The following CYP2C19 variants were observed in gnomAD, a reference collection of about 807,000 sequenced individuals.
CYP2C19 encodes the protein cytochrome P450 2C19.
CYP2C19 carries 59 observed loss-of-function variants against 40.9 expected under a neutral mutation model. The observed-to-expected ratio is 1.44, with a 90% CI of 1.17 to 1.79. The LOEUF (loss-of-function observed/expected upper bound fraction) is 1.79. Ranked by LOEUF, CYP2C19 falls within the 40% of genes most tolerant of loss-of-function variation. The pLI, the probability that CYP2C19 is intolerant of heterozygous loss-of-function variation, is 0.00. For synonymous variants in CYP2C19, 253 were observed against 208.7 expected (o/e 1.21, Z -1.83); for missense variants, 754 against 596.9 (o/e 1.26, Z -2.74).
At chr10:94,849,889 T>G in intron 7 of CYP2C19, 28 bp from the exon 8 acceptor site, 1 of 1,613,260 alleles carries the variant, frequency 6.2e-7, no homozygotes, top group East Asian at 2.2e-5. Flanking sequence ...TCTTTACAGC[T>G]CAGTTCACCT....
rs1359331725 is a variant in CYP2C19, at chr10:94,849,981, A to G, written c.1214A>G (p.Glu405Gly). 3 of 1,613,610 alleles carry G rather than the reference A, an allele frequency of 1.9e-6. No individual in the cohort carries two copies. Among genetic ancestry groups the G allele is most frequent in the Non-Finnish European group, 2.5e-6 (3 of 1,179,790 alleles). ...LHDNKEFPNP[E>G]MFDPRHFLDE... The stretch of plus-strand genomic sequence containing the variant: ...GACAACAAAGAATTTCCCAACCCAG[A>G]GATGTTTGACCCTCGTCACTTTCTG... The change falls in exon 8 of 9, where the codon GAG becomes GGG. Residue 405 changes from glutamate (E) to glycine (G), a missense_variant. By Grantham distance (98) the Glu-to-Gly change is moderately conservative. Transcript: ENST00000371321.
chr10:94,778,091 G>A (rs1017573527), intron 3 of CYP2C19, among the ~76,000 whole-genome samples: 2 of 152,182 alleles, frequency 1.3e-5, no homozygotes, highest in Non-Finnish European at 2.9e-5. Context: ...CCAGAGTGTA[G>A]CCTCGAGAAG....
intron 7 of CYP2C19, among the ~76,000 whole-genome samples, chr10:94,847,813 T>G (rs1056821582): frequency 3.3e-5 from 5 of 152,198 alleles, no homozygotes; most frequent in Admixed American, 2.6e-4. Context: ...GTGATTTGCA[T>G]TTTTGTGATG....
chr10:94,809,217 T>C (rs2134258757), intron 5 of CYP2C19, among the ~76,000 whole-genome samples: 1 of 152,302 alleles, frequency 6.6e-6, no homozygotes, highest in South Asian at 2.1e-4. Context: ...ATGTCTGTTT[T>C]CCATTTGTAT....
intron 1 of CYP2C19, among the ~76,000 whole-genome samples, chr10:94,763,977 G>A (rs967123451): frequency 5.3e-5 from 8 of 151,972 alleles, no homozygotes; most frequent in East Asian, 1.9e-4. Flanking sequence ...GCAGACCTTC[G>A]CAATGAGTGT....
At chr10:94,806,525 A>G (rs1238954933) in intron 5 of CYP2C19, among the ~76,000 whole-genome samples, 1 of 151,646 alleles carries the variant, frequency 6.6e-6, no homozygotes, top group East Asian at 1.9e-4. Flanking sequence ...CATCAGTAGG[A>G]CATGAGGGTT....
chr10:94,838,930 T>C (rs898262832), intron 6 of CYP2C19, among the ~76,000 whole-genome samples: 48 of 152,136 alleles, frequency 3.2e-4, no homozygotes, highest in African/African-American at 1.2e-3. Flanking sequence ...CAGAAAAATA[T>C]AAGTCATTTC....
chr10:94,805,564 CA>C (rs1848820531), intron 5 of CYP2C19, among the ~76,000 whole-genome samples: 1 of 152,136 alleles, frequency 6.6e-6, no homozygotes, highest in African/African-American at 2.4e-5. Flanking sequence ...TTTCATCTTA[CA>C]AAATGGAAAC....
chr10:94,783,405 A>G (rs1848503071), intron 5 of CYP2C19, among the ~76,000 whole-genome samples: 1 of 152,036 alleles, frequency 6.6e-6, no homozygotes, highest in African/African-American at 2.4e-5. Context: ...GATGGAAAAG[A>G]GTAGGTGGAT....
In CYP2C19 at chr10:94,810,915, T is replaced by A. The variant is rs562636989; in HGVS notation, c.820-9581T>A. ...CTGCTCTGATATTAGTTATTTTTTG[T>A]CTTCTGCTAGGTTTGAATTTGTTTG... On this transcript the variant is annotated intron_variant, in intron 5 of 8. Coordinates refer to ENST00000371321, the MANE Select transcript of CYP2C19 (RefSeq NM_000769.4). Among the ~76,000 whole-genome samples, 5 of 152,284 alleles carry A rather than the reference T, an allele frequency of 3.3e-5. No individual in the cohort carries two copies. In the South Asian group the frequency reaches 8.3e-4, roughly 25 times the overall value.
intron 6 of CYP2C19, among the ~76,000 whole-genome samples, chr10:94,827,001 A>G (rs1849236646): frequency 6.6e-6 from 1 of 152,134 alleles, no homozygotes; most frequent in Non-Finnish European, 1.5e-5. Flanking sequence ...CTTGCATCCC[A>G]GGGATGAAGC....
intron 5 of CYP2C19, among the ~76,000 whole-genome samples, chr10:94,811,438 T>A (rs1176590198): frequency 6.6e-6 from 1 of 152,144 alleles, no homozygotes; most frequent in South Asian, 2.1e-4. Flanking sequence ...GAGATCCTTG[T>A]TAAATTTCTG....
intron 5 of CYP2C19, among the ~76,000 whole-genome samples, chr10:94,789,043 T>A (rs1416366407): frequency 1.3e-5 from 2 of 152,202 alleles, no homozygotes; most frequent in Non-Finnish European, 2.9e-5. Context: ...CCATTCTAAC[T>A]GGCATGTGAT....
chr10:94,775,079 G>A lies in CYP2C19; in HGVS notation c.190G>A (p.Val64Met), dbSNP rs150045105. 10 of 1,614,004 alleles carry A rather than the reference G, an allele frequency of 6.2e-6. No homozygotes were observed. The African/African-American group carries it at 1.3e-4, about 22-fold the overall frequency. ...LTNLSKIYGPVFTLYFGLERM... is the reference protein window; with the variant it reads ...LTNLSKIYGPMFTLYFGLERM... Reference sequence around the variant, plus strand: ...CTAGCTCTCAAAAATCTATGGCCCTGTGTTCACTCTGTATTTTGGCCTGGA... The same window carrying A: ...CTAGCTCTCAAAAATCTATGGCCCTATGTTCACTCTGTATTTTGGCCTGGA... The change falls in exon 2 of 9, where the codon GTG becomes ATG. Residue 64 changes from valine (V) to methionine (M), a missense_variant. By Grantham distance (21) the Val-to-Met change is conservative (BLOSUM62 1). Coordinates refer to ENST00000371321, the MANE Select transcript of CYP2C19 (RefSeq NM_000769.4).
intron 6 of CYP2C19, among the ~76,000 whole-genome samples, chr10:94,836,884 C>G (rs111732980): frequency 0.048 from 7,240 of 152,166 alleles, 231 homozygotes; most frequent in South Asian, 0.11. Flanking sequence ...CAAGAGTGTC[C>G]AGGTATGAGA....
At position 94,824,218 on chromosome 10, in the gene CYP2C19, G is replaced by A. The variant is rs1244100342; in HGVS notation, c.961+3581G>A. Among the ~76,000 whole-genome samples the A allele has an allele frequency of 3.9e-5, 6 of 152,136 alleles. No homozygotes were observed. In the East Asian group the frequency reaches 1.2e-3, roughly 29 times the overall value. On this transcript the variant is annotated intron_variant, in intron 6 of 8. Transcript: ENST00000371321. ...AATGAATACTGATATCATAAAAATT[G>A]TCATCTAAATATATTCTGGAAAAAG...
At chr10:94,846,517 A>G (rs547915236) in intron 7 of CYP2C19, among the ~76,000 whole-genome samples, 15 of 152,290 alleles carry the variant, frequency 9.8e-5, no homozygotes, top group African/African-American at 3.4e-4. Flanking sequence ...ATGACACTTT[A>G]AGACAGAACA....
intron 6 of CYP2C19, among the ~76,000 whole-genome samples, chr10:94,827,079 G>C (rs1162937160): frequency 1.3e-5 from 2 of 151,894 alleles, no homozygotes; most frequent in African/African-American, 2.4e-5. Context: ...TTTTATTGAG[G>C]ATTTTTGCAT....
intron 1 of CYP2C19, among the ~76,000 whole-genome samples, chr10:94,764,510 C>T (rs544170347): frequency 4.6e-5 from 7 of 152,244 alleles, no homozygotes; most frequent in East Asian, 1.9e-4. Flanking sequence ...GAAGCCCAGC[C>T]GGCTTCACCT....
Sources: gnomAD v4.1 joint callset for allele counts (sites outside exome capture counted in the v4.1 genomes callset) on GRCh38, gnomAD v4.1.1 for gene constraint, MANE v1.5 for transcripts, NCBI Gene and HGNC (gene_info 2026-07-23, HGNC 2026-07-21) for gene names.